Variants in PUF60 observed in about 807,000 individuals in gnomAD.
The protein encoded by PUF60 is poly(U) binding splicing factor 60.
Under a neutral mutation model 61.8 loss-of-function variants are expected in PUF60, and 10 were observed. That is an observed-to-expected ratio of 0.16 (90% CI 0.10 to 0.27). The LOEUF is 0.27. Ranked by LOEUF, PUF60 falls within the 10% of genes least tolerant of loss-of-function variation. PUF60 has a pLI of 1.00. For synonymous variants in PUF60, 353 were observed against 300.9 expected (o/e 1.17, Z -1.79); for missense variants, 371 against 754.0 (o/e 0.49, Z 5.95).
intron 2 of PUF60, 34 bp downstream of exon 2, chr8:143,824,279 C>T (rs1017655608): frequency 5.8e-6 from 9 of 1,539,834 alleles, no homozygotes; most frequent in Middle Eastern, 2.2e-4. Flanking sequence ...GGCAGGCGGG[C>T]GGGCCTGAGG....
intron 1 of PUF60, among the ~76,000 whole-genome samples, chr8:143,825,458 C>T (rs1272231679): frequency 2.0e-5 from 3 of 152,176 alleles, no homozygotes; most frequent in Non-Finnish European, 2.9e-5. Context: ...CTAAACACTG[C>T]ACCCCGGAGA....
rs774180716 is a variant in PUF60 at position 143,817,576 on chromosome 8, C to T, written c.1008+16G>A. 76 of 1,610,340 alleles carry T rather than the reference C, an allele frequency of 4.7e-5. 1 individual carries two copies. In the Admixed American group the frequency reaches 1.2e-3, roughly 26 times the overall value. On this transcript the variant is annotated intron_variant, in intron 9 of 11. Coordinates refer to ENST00000526683, the MANE Select transcript of PUF60 (RefSeq NM_078480.3). This position sits in a 1 kb window ranked among gnomAD's most constrained non-coding sequence, Gnocchi z 7.4. ...AGCCCGCCCACCCTCAAGCCGACAGCTGTGTGGGCCCTCACCTGAGCTGTG... is the reference window on the plus strand; with the variant it reads ...AGCCCGCCCACCCTCAAGCCGACAGTTGTGTGGGCCCTCACCTGAGCTGTG...
intron 4 of PUF60, chr8:143,821,289 G>A (rs1204501465): frequency 1.8e-6 from 1 of 543,194 alleles, no homozygotes; most frequent in Non-Finnish European, 3.3e-6. Context: ...GCACAGCTGG[G>A]GCAGGGAGCA....
intron 3 of PUF60, 61 bp from the exon 4 acceptor site, chr8:143,821,747 G>T: frequency 6.6e-7 from 1 of 1,525,946 alleles, no homozygotes. Flanking sequence ...GGCCTGCCCC[G>T]CACCCCGCCC....
intron 1 of PUF60, chr8:143,827,634 T>G (rs940594821): frequency 5.7e-6 from 2 of 352,698 alleles, no homozygotes; most frequent in African/African-American, 4.3e-5. Context: ...ATCCCAATGA[T>G]TAAAAGAGGA....
chr8:143,819,312 T>C (rs1220882402), intron 5 of PUF60, among the ~76,000 whole-genome samples: 1 of 152,088 alleles, frequency 6.6e-6, no homozygotes, highest in Non-Finnish European at 1.5e-5. Context: ...GCTGTGAGCT[T>C]GGCTATTGCG....
chr8:143,828,642 T>C (rs1189815923), intron 1 of PUF60, among the ~76,000 whole-genome samples: 1 of 152,202 alleles, frequency 6.6e-6, no homozygotes, highest in African/African-American at 2.4e-5. Flanking sequence ...ACTGCCTGTC[T>C]GGTTCCCCAC....
intron 1 of PUF60, among the ~76,000 whole-genome samples, chr8:143,827,896 G>T (rs1380166565): frequency 2.0e-5 from 3 of 152,136 alleles, no homozygotes; most frequent in Non-Finnish European, 2.9e-5. Context: ...GCGGGTGCTA[G>T]GGGAGTCAGG....
chr8:143,825,837 G>T (rs2130411569), intron 1 of PUF60, among the ~76,000 whole-genome samples: 1 of 152,364 alleles, frequency 6.6e-6, no homozygotes, highest in African/African-American at 2.4e-5. Context: ...TGAACAGGGT[G>T]AACTGAGGGG....
chr8:143,824,702 C>T (rs1049571195), intron 1 of PUF60: 1 of 422,580 alleles, frequency 2.4e-6, no homozygotes, highest in African/African-American at 2.0e-5. Context: ...AAGCCATCCT[C>T]TCCTGCCGGC....
rs759444006 is a variant in PUF60 at position 143,818,325 on chromosome 8, G to A, written c.511-40C>T. 6 of 1,608,380 alleles carry A rather than the reference G, an allele frequency of 3.7e-6. No individual in the cohort carries two copies. Among genetic ancestry groups the A allele is most frequent in the African/African-American group, 2.7e-5 (2 of 74,984 alleles). ...ACACCTGTCAGGCTGCGCGAGCCCA[G>A]GGGTGGGGGCGAGCCCGAAGTGGCC... On this transcript the variant is annotated intron_variant, in intron 6 of 11. Transcript: ENST00000526683. This position sits in a 1 kb window ranked among gnomAD's most constrained non-coding sequence, Gnocchi z 7.9.
chr8:143,817,304 G>A lies in PUF60; in HGVS notation c.1144+27C>T, dbSNP rs546693219. ...CGAGAGATGCCAGGACAGGAGAGGAGAGGATCTGGTACCACTTAAGACTCA... is the reference window on the plus strand; with the variant it reads ...CGAGAGATGCCAGGACAGGAGAGGAAAGGATCTGGTACCACTTAAGACTCA... On this transcript the variant is annotated intron_variant, in intron 10 of 11. Transcript: ENST00000526683. The surrounding 1 kb of genome is among the most constrained non-coding windows in gnomAD (Gnocchi z 7.4). 8 of 1,574,032 alleles carry A rather than the reference G, an allele frequency of 5.1e-6. No homozygotes were observed. Among genetic ancestry groups the A allele is most frequent in the Non-Finnish European group, 6.9e-6 (8 of 1,163,872 alleles).
Position 143,816,616 on chromosome 8 carries a change from G to A in PUF60, c.1584C>T (p.Ala528=). 15 of 1,613,788 alleles carry A rather than the reference G, an allele frequency of 9.3e-6. No homozygotes were observed. Among genetic ancestry groups the A allele is most frequent in the Non-Finnish European group, 1.3e-5 (15 of 1,179,876 alleles). ...ACCAGCGGCCATTGAGGGCCTGGAT[G>A]GCCTTATGAGTCTCAGAGGCTATGG... ...EFSIASETHK[A]IQALNGRWFA... The change falls in exon 12 of 12, where the codon GCC becomes GCT. Residue 528 remains alanine, a synonymous_variant. Coordinates refer to ENST00000526683, the MANE Select transcript of PUF60 (RefSeq NM_078480.3).
chr8:143,818,823 G>C lies in PUF60; in HGVS notation c.349-289C>G, dbSNP rs1816688323. ...ACAGATGGTCAGGAGGCAGGGCTGT[G>C]CGCCCTCCCACCCAGACCACCCCTC... is the stretch of plus-strand genomic sequence containing the variant. On this transcript the variant is annotated intron_variant, in intron 5 of 11. Coordinates refer to ENST00000526683, the MANE Select transcript of PUF60 (RefSeq NM_078480.3). The surrounding 1 kb of genome is among the most constrained non-coding windows in gnomAD (Gnocchi z 7.9). The C allele has an allele frequency of 2.1e-6, 1 of 474,492 alleles. No homozygotes were observed. Among genetic ancestry groups the C allele is most frequent in the African/African-American group, 2.0e-5 (1 of 51,034 alleles). The allele number at this position is 474,492 out of a possible 1,614,324, so 29.4% of individuals were successfully genotyped here.
At position 143,817,063 on chromosome 8, in the gene PUF60, C is replaced by G. The variant is rs976326643; in HGVS notation, c.1227G>C (p.Thr409=). 4 of 1,611,496 alleles carry G rather than the reference C, an allele frequency of 2.5e-6. No homozygotes were observed. Among genetic ancestry groups the G allele is most frequent in the Non-Finnish European group, 3.4e-6 (4 of 1,179,234 alleles). The change falls in exon 11 of 12, where the codon ACG becomes ACC. Residue 409 remains threonine, a synonymous_variant. Coordinates refer to ENST00000526683, the MANE Select transcript of PUF60 (RefSeq NM_078480.3). This position sits in a 1 kb window ranked among gnomAD's most constrained non-coding sequence, Gnocchi z 7.4. ...CCTTCTTGGGCTCCAGGAGACCCAG[C>G]GTTGGAGGGCTGGCCAGGATGGGGT... ...VVNPILASPP[T]LGLLEPKKEK... is the part of the protein sequence containing the mutation.
chr8:143,823,415 T>A (rs1817250012), intron 2 of PUF60: 1 of 152,352 alleles, frequency 6.6e-6, no homozygotes, highest in African/African-American at 2.4e-5. Flanking sequence ...GCTGTCACCA[T>A]GGTAATCAAT....
In PUF60 at chr8:143,817,905, G is replaced by A. The variant is rs546754366; in HGVS notation, c.774C>T (p.Ala258=). 7.4e-6 allele frequency: 12 copies of A among 1,612,786 alleles called. No individual in the cohort carries two copies. In the East Asian group the frequency reaches 2.2e-4, roughly 30 times the overall value. ...AFGKIKSCTL[A]RDPTTGKHKG... ...TGTGCTTGCCAGTTGTGGGGTCCCG[G>A]GCCAGTGTGCAGGACTTGATCTTGC... is the stretch of plus-strand genomic sequence containing the variant. Residue 258 remains alanine, a synonymous_variant, in exon 8 of 12, where the codon GCC becomes GCT. Transcript: ENST00000526683. This position sits in a 1 kb window ranked among gnomAD's most constrained non-coding sequence, Gnocchi z 7.4.
Position 143,817,167 on chromosome 8 carries a change from C to T in PUF60, c.1145-22G>A, listed in dbSNP as rs1816428352. Reference sequence around the variant, plus strand: ...ACACCTGCAGGAAAACCAACCAGGTCCATCAGTCACTCCCTACCACCCCCC... The same window carrying T: ...ACACCTGCAGGAAAACCAACCAGGTTCATCAGTCACTCCCTACCACCCCCC... On this transcript the variant is annotated intron_variant, in intron 10 of 11. Transcript: ENST00000526683. This position sits in a 1 kb window ranked among gnomAD's most constrained non-coding sequence, Gnocchi z 7.4. 6.4e-7 allele frequency: 1 copy of T among 1,566,312 alleles called. No individual in the cohort carries two copies. Among genetic ancestry groups the T allele is most frequent in the Non-Finnish European group, 8.7e-7 (1 of 1,154,836 alleles).
intron 1 of PUF60, among the ~76,000 whole-genome samples, chr8:143,826,654 G>C (rs1356548250): frequency 6.6e-6 from 1 of 152,206 alleles, no homozygotes; most frequent in African/African-American, 2.4e-5. Context: ...AGGAGGCAGA[G>C]GTTGCAGTGA....
Sources: gnomAD v4.1 joint callset for allele counts (sites outside exome capture counted in the v4.1 genomes callset) on GRCh38, gnomAD v4.1.1 for gene constraint, Gnocchi (gnomAD v3.1) non-coding constraint, MANE v1.5 for transcripts, NCBI Gene and HGNC (gene_info 2026-07-23, HGNC 2026-07-21) for gene names.